The following OPN3 variants were observed in gnomAD, a reference collection of about 807,000 sequenced individuals.
OPN3 encodes the protein opsin-3.
A neutral mutation model predicts 33.8 loss-of-function variants in OPN3; 29 were observed. The observed-to-expected ratio is 0.86, with a 90% CI of 0.64 to 1.17. OPN3 has a LOEUF of 1.17. OPN3 is among the 50% of genes most tolerant of loss of function. The probability of loss-of-function intolerance (pLI) is 0.00; values close to 1 mark genes in which losing one functional copy is unlikely to be tolerated. For missense variants in OPN3, 437 were observed against 514.1 expected (o/e 0.85, Z 1.45); for synonymous variants, 216 against 216.1 (o/e 1.00, Z 0.00).
chr1:241,603,042 C>T (rs1381704796), intron 2 of OPN3, among the ~76,000 whole-genome samples: 1 of 151,982 alleles, frequency 6.6e-6, no homozygotes, highest in East Asian at 1.9e-4. Context: ...ACAAAATAGC[C>T]TGGTAATATG....
At chr1:241,635,305 A>G in intron 1 of OPN3, 1 of 1,613,932 alleles carries the variant, frequency 6.2e-7, no homozygotes, top group Non-Finnish European at 8.5e-7. Flanking sequence ...TGTGTTTTGC[A>G]GGCATTTCGT....
At position 241,640,196 on chromosome 1, in the gene OPN3, C is replaced by T; in HGVS notation, c.59G>A (p.Gly20Asp). 1 of 1,370,132 alleles carries T rather than the reference C, an allele frequency of 7.3e-7. No individual in the cohort carries two copies. Among genetic ancestry groups the T allele is most frequent in the Non-Finnish European group, 9.4e-7 (1 of 1,068,166 alleles). The allele number at this position is 1,370,132 out of a possible 1,614,324, so 84.9% of individuals were successfully genotyped here. The change falls in exon 1 of 4, where the codon GGC (glycine) becomes GAC (aspartate). Residue 20 changes from glycine (G) to aspartate (D), a missense_variant. By Grantham distance (94) the Gly-to-Asp change is moderately conservative. Coordinates refer to ENST00000366554, the MANE Select transcript of OPN3 (RefSeq NM_014322.3). ...HGYWDGGGAA[G>D]AEGPAPAGTL... Reference sequence around the variant, plus strand: ...CCCCGCCGGCGCCGGCCCCTCAGCGCCCGCGGCCCCGCCGCCGTCCCAGTA... The same window carrying T: ...CCCCGCCGGCGCCGGCCCCTCAGCGTCCGCGGCCCCGCCGCCGTCCCAGTA...
Position 241,597,919 on chromosome 1 carries a change from A to G in OPN3, c.772T>C (p.Phe258Leu), listed in dbSNP as rs777396168. Residue 258 changes from phenylalanine to leucine, a missense_variant, in exon 3 of 4, where the codon TTT becomes CTT. Physicochemically the swap from Phe to Leu is conservative, Grantham distance 22. Transcript: ENST00000366554. ...ACCAGGAAGGTGAATATCATTAAAA[A>G]GCACATTTTGGCCAGTTTCTTTTCA... is the stretch of plus-strand genomic sequence containing the variant. ...KYEKKLAKMC[F>L]LMIFTFLVCW... 16 of 1,613,950 alleles carry G rather than the reference A, an allele frequency of 9.9e-6. No homozygotes were observed. The highest frequency in any genetic ancestry group is 9.9e-5 in the South Asian group (9 of 91,068).
rs764888361 is a variant in OPN3, at chr1:241,634,930, G to A, written c.373+4952C>T. Reference sequence around the variant, plus strand: ...CCTTGCTATTAAAGACATCTGCTCTGGAACAAGGAACTTGTTCTACCTTTC... The same window carrying A: ...CCTTGCTATTAAAGACATCTGCTCTAGAACAAGGAACTTGTTCTACCTTTC... On this transcript the variant is annotated intron_variant, in intron 1 of 3. Transcript: ENST00000366554. 21 of 1,612,556 alleles carry A rather than the reference G, an allele frequency of 1.3e-5. No homozygotes were observed. The South Asian group carries it at 2.3e-4, about 18-fold the overall frequency.
chr1:241,617,282 A>C (rs1182201128), intron 1 of OPN3, among the ~76,000 whole-genome samples: 1 of 152,234 alleles, frequency 6.6e-6, no homozygotes. Context: ...ACACAAAGCA[A>C]GTTGTTTCTC....
chr1:241,630,921 A>G (rs985173229), intron 1 of OPN3: 1 of 151,978 alleles, frequency 6.6e-6, no homozygotes, highest in African/African-American at 2.4e-5. Flanking sequence ...TTGTTGCTGT[A>G]TTGTTTGCCA....
At chr1:241,622,006 T>C (rs1272627344) in intron 1 of OPN3, among the ~76,000 whole-genome samples, 1 of 152,176 alleles carries the variant, frequency 6.6e-6, no homozygotes, top group Non-Finnish European at 1.5e-5. Flanking sequence ...GACTTTTGAA[T>C]TTCTTTCAAT....
chr1:241,600,773 T>A (rs970316103), intron 2 of OPN3: 4 of 152,088 alleles, frequency 2.6e-5, no homozygotes, highest in African/African-American at 7.2e-5. Context: ...TGCCCTCTGC[T>A]TGTAACTCAT....
intron 2 of OPN3, among the ~76,000 whole-genome samples, chr1:241,601,468 G>T (rs547285303): frequency 6.6e-6 from 1 of 152,160 alleles, no homozygotes; most frequent in African/African-American, 2.4e-5. Context: ...ACTTTGGGAG[G>T]CCAAGGCGGG....
chr1:241,609,342 G>A (rs1049026853), intron 1 of OPN3, among the ~76,000 whole-genome samples: 2 of 152,198 alleles, frequency 1.3e-5, no homozygotes, highest in Admixed American at 1.3e-4. Flanking sequence ...CCAACAGGTG[G>A]TGGAGACAGT....
rs1037918133 is a variant in OPN3, at chr1:241,594,209, T to C, written c.*219A>G. On this transcript the variant is annotated 3_prime_UTR_variant, in exon 4 of 4. Coordinates refer to ENST00000366554, the MANE Select transcript of OPN3 (RefSeq NM_014322.3). ...TTAGATGCCCATCGTGTGCCACAAG[T>C]GGTTTTTTCATTATGTAAAGCACCC... The C allele has an allele frequency of 1.5e-5, 7 of 454,034 alleles. No individual in the cohort carries two copies. The highest frequency in any genetic ancestry group is 1.0e-4 in the African/African-American group (5 of 50,174). The allele number at this position is 454,034 out of a possible 1,614,324, so 28.1% of individuals were successfully genotyped here.
At position 241,604,530 on chromosome 1, in the gene OPN3, A is replaced by G. The variant is rs1322982676; in HGVS notation, c.423T>C (p.Ile141=). 2 of 1,614,082 alleles carry G rather than the reference A, an allele frequency of 1.2e-6. No individual in the cohort carries two copies. Among genetic ancestry groups the G allele is most frequent in the Non-Finnish European group, 1.7e-6 (2 of 1,179,990 alleles). Residue 141 remains isoleucine (I), a synonymous_variant, in exon 2 of 4, where the codon ATT becomes ATC. Coordinates refer to ENST00000366554, the MANE Select transcript of OPN3 (RefSeq NM_014322.3). ...TLTVLAYERY[I]RVVHARVINF... Reference sequence around the variant, plus strand: ...TGATCACTCTGGCATGGACCACGCGAATGTAACGTTCATAGGCCAGCACGG... The same window carrying G: ...TGATCACTCTGGCATGGACCACGCGGATGTAACGTTCATAGGCCAGCACGG...
At chr1:241,619,141 G>T (rs1664211463) in intron 1 of OPN3, among the ~76,000 whole-genome samples, 1 of 152,066 alleles carries the variant, frequency 6.6e-6, no homozygotes, top group Non-Finnish European at 1.5e-5. Flanking sequence ...AGAACTTTCA[G>T]GAAAACCTTC....
At chr1:241,634,353 GATCTAA>G in intron 1 of OPN3, 1 of 1,613,958 alleles carries the variant, frequency 6.2e-7, no homozygotes, top group Non-Finnish European at 8.5e-7. Context: ...GAAGTCTGCT[GATCTAA>G]ATCTGTCTTT....
chr1:241,622,362 G>A (rs1664288974), intron 1 of OPN3, among the ~76,000 whole-genome samples: 1 of 152,162 alleles, frequency 6.6e-6, no homozygotes, highest in Non-Finnish European at 1.5e-5. Context: ...TGTTAGGTAA[G>A]AAGGTGTGCA....
At chr1:241,627,372 G>A (rs1427133222) in intron 1 of OPN3, among the ~76,000 whole-genome samples, 1 of 152,152 alleles carries the variant, frequency 6.6e-6, no homozygotes, top group African/African-American at 2.4e-5. Context: ...TGAGATGCAA[G>A]CAAAGCGAAA....
At chr1:241,615,264 A>C (rs180879095) in intron 1 of OPN3, among the ~76,000 whole-genome samples, 1 of 152,246 alleles carries the variant, frequency 6.6e-6, no homozygotes, top group East Asian at 1.9e-4. Flanking sequence ...GAGAATTCTA[A>C]ATTCTAATCC....
intron 1 of OPN3, chr1:241,632,836 T>A (rs1476820569): frequency 2.0e-5 from 3 of 152,270 alleles, no homozygotes; most frequent in African/African-American, 7.2e-5. Context: ...GAGGGTTTTA[T>A]AAGTATCTGT....
At position 241,635,917 on chromosome 1, in the gene OPN3, A is replaced by AT. The variant is rs529729179; in HGVS notation, c.373+3964dup. The AT allele has an allele frequency of 1.5e-3, 1,063 of 707,928 alleles. 1 individual carries two copies. The highest frequency in any genetic ancestry group is 1.7e-3 in the Non-Finnish European group (733 of 433,674). 43.9% of individuals were successfully genotyped at this position (707,928 alleles called of 1,614,324 possible). ...TGTTTAACGGTTACCCTTTTAAAAT[A>AT]TTTTTTTTCTTATAAGTCAGTAGCA... On this transcript the variant is annotated intron_variant, in intron 1 of 3. Coordinates refer to ENST00000366554, the MANE Select transcript of OPN3 (RefSeq NM_014322.3).
Sources: allele counts gnomAD v4.1 joint callset (sites outside exome capture counted in the v4.1 genomes callset), GRCh38; gene constraint gnomAD v4.1.1; transcripts MANE v1.5; gene names NCBI Gene and HGNC (gene_info 2026-07-23, HGNC 2026-07-21).